ZFAND6: variants seen among roughly 807,000 people sequenced by gnomAD.
ZFAND6 encodes the protein zinc finger AN1-type containing 6.
A neutral mutation model predicts 24.5 loss-of-function variants in ZFAND6; 12 were observed. The observed-to-expected ratio is 0.49, with a 90% confidence interval of 0.31 to 0.79. The LOEUF (loss-of-function observed/expected upper bound fraction) is 0.79, where lower values mean the gene tolerates loss of function less well. Among genes scored for constraint, ZFAND6 ranks in the 30% least tolerant of loss-of-function variants. The probability of loss-of-function intolerance (pLI) is 0.04; values close to 1 mark genes in which losing one functional copy is unlikely to be tolerated. For missense variants in ZFAND6, 207 were observed against 245.9 expected (o/e 0.84, Z 1.06); for synonymous variants, 92 against 81.5 (o/e 1.13, Z -0.69).
chr15:80,067,002 A>AT (rs879923231), intron 1 of ZFAND6, among the ~76,000 whole-genome samples: 2 of 151,990 alleles, frequency 1.3e-5, no homozygotes, highest in Admixed American at 6.6e-5. Flanking sequence ...TGGAACTTTG[A>AT]TTCTGAGTTC....
At chr15:80,088,812 A>C (rs1157358983) in intron 1 of ZFAND6, among the ~76,000 whole-genome samples, 2 of 152,138 alleles carry the variant, frequency 1.3e-5, no homozygotes, top group African/African-American at 4.8e-5. Flanking sequence ...ATTTATTAAA[A>C]CTTAGCTCCT....
chr15:80,115,703 T>TA (rs2039844306), intron 2 of ZFAND6, among the ~76,000 whole-genome samples: 1 of 152,154 alleles, frequency 6.6e-6, no homozygotes, highest in South Asian at 2.1e-4. Context: ...TTTTTTTTTT[T>TA]AAGAATCCTG....
At chr15:80,080,092 G>T (rs1283796115) in intron 1 of ZFAND6, among the ~76,000 whole-genome samples, 1 of 151,832 alleles carries the variant, frequency 6.6e-6, no homozygotes, top group Admixed American at 6.6e-5. Flanking sequence ...ACCATCTCCA[G>T]GGTTCAAGCA....
intron 2 of ZFAND6, among the ~76,000 whole-genome samples, chr15:80,107,722 A>G (rs541232161): frequency 4.3e-4 from 65 of 152,094 alleles, no homozygotes; most frequent in African/African-American, 1.4e-3. Flanking sequence ...AGGAGGCTGA[A>G]GCAGGGGAAT....
At chr15:80,077,482 GA>G (rs2037349736) in intron 1 of ZFAND6, among the ~76,000 whole-genome samples, 1 of 152,030 alleles carries the variant, frequency 6.6e-6, no homozygotes, top group Admixed American at 6.5e-5. Flanking sequence ...ACCAAAAAAA[GA>G]AAAAGTAGCC....
chr15:80,099,661 A>T (rs1443009351), intron 2 of ZFAND6, among the ~76,000 whole-genome samples: 1 of 121,638 alleles, frequency 8.2e-6, no homozygotes, highest in Non-Finnish European at 1.6e-5. Flanking sequence ...TCTGTCGCCC[A>T]GGCTGGAGGC....
intron 6 of ZFAND6, among the ~76,000 whole-genome samples, chr15:80,133,502 TAATTTTAGAA>T (rs1300165277): frequency 2.0e-5 from 3 of 152,124 alleles, no homozygotes; most frequent in South Asian, 4.1e-4. Context: ...GCCGGTTTGG[TAATTTTAGAA>T]AAAGGTTTGG....
chr15:80,120,525 A>G (rs368485708), intron 3 of ZFAND6, 27 bp downstream of exon 3: 13 of 1,464,744 alleles, frequency 8.9e-6, no homozygotes, highest in African/African-American at 4.3e-5. Flanking sequence ...AAACCCGTCT[A>G]TATTCATAAT....
At chr15:80,111,927 T>C (rs2039629692) in intron 2 of ZFAND6, among the ~76,000 whole-genome samples, 2 of 152,142 alleles carry the variant, frequency 1.3e-5, no homozygotes, top group Non-Finnish European at 2.9e-5. Flanking sequence ...TCCAGTATTG[T>C]CAGATCTTCC....
At chr15:80,113,482 A>T (rs148780456) in intron 2 of ZFAND6, among the ~76,000 whole-genome samples, 27 of 151,934 alleles carry the variant, frequency 1.8e-4, no homozygotes, top group Admixed American at 1.8e-3. Flanking sequence ...TTTTCTCCCT[A>T]TTTTTTTCGG....
intron 6 of ZFAND6, among the ~76,000 whole-genome samples, chr15:80,134,059 C>T (rs888874789): frequency 1.3e-5 from 2 of 151,594 alleles, no homozygotes; most frequent in Admixed American, 1.3e-4. Context: ...GCACTCTCCA[C>T]TCACTGCAAC....
chr15:80,059,405 A>T (rs1317935797), upstream of ZFAND6, among the ~76,000 whole-genome samples: 3 of 152,190 alleles, frequency 2.0e-5, no homozygotes, highest in Non-Finnish European at 4.4e-5. Context: ...AGCGCCCCAG[A>T]GAGGGCAGTG....
intron 2 of ZFAND6, among the ~76,000 whole-genome samples, chr15:80,107,810 ACT>A (rs980155517): frequency 8.4e-5 from 12 of 142,702 alleles, no homozygotes; most frequent in Non-Finnish European, 1.5e-4. Flanking sequence ...CAAGAGCAAA[ACT>A]CTGTCGAAAA....
chr15:80,069,888 G>A (rs1178090614), intron 1 of ZFAND6, among the ~76,000 whole-genome samples: 4 of 152,092 alleles, frequency 2.6e-5, no homozygotes, highest in African/African-American at 4.8e-5. Context: ...ATTTACAGGC[G>A]TGAGCCACCA....
chr15:80,092,641 C>T (rs1181959473), intron 1 of ZFAND6, among the ~76,000 whole-genome samples: 1 of 152,088 alleles, frequency 6.6e-6, no homozygotes, highest in African/African-American at 2.4e-5. Context: ...TTTTGTATCC[C>T]TCAAGGCTGT....
chr15:80,137,419 T>TA, intron 6 of ZFAND6, 61 bp from the exon 7 acceptor site: 1 of 1,552,030 alleles, frequency 6.4e-7, no homozygotes, highest in Non-Finnish European at 8.7e-7. Context: ...CAGTATTAAT[T>TA]ATGCCAAAGA....
chr15:80,093,614 A>G (rs1469807749), intron 1 of ZFAND6, among the ~76,000 whole-genome samples: 3 of 152,128 alleles, frequency 2.0e-5, no homozygotes, highest in Admixed American at 2.0e-4. Context: ...AATCCCAGCT[A>G]CTCAGGAGAC....
intron 1 of ZFAND6, among the ~76,000 whole-genome samples, chr15:80,065,196 GATTTATTTTGACA>G: frequency 6.7e-6 from 1 of 149,906 alleles, no homozygotes; most frequent in East Asian, 2.0e-4. Context: ...GTTCATCTGG[GATTTATTTTGACA>G]TATGTGAAGT....
chr15:80,133,903 T>C (rs1291501267), intron 6 of ZFAND6, among the ~76,000 whole-genome samples: 1 of 152,036 alleles, frequency 6.6e-6, no homozygotes, highest in Non-Finnish European at 1.5e-5. Flanking sequence ...ATATGAACCC[T>C]TTTTCGTGAT....
Sources: gnomAD v4.1 joint callset for allele counts (sites outside exome capture counted in the v4.1 genomes callset) on GRCh38, gnomAD v4.1.1 for gene constraint, MANE v1.5 for transcripts, NCBI Gene and HGNC (gene_info 2026-07-23, HGNC 2026-07-21) for gene names.